Variants in ZNF577 observed in about 807,000 individuals in gnomAD.
ZNF577 encodes zinc finger protein 577.
In ZNF577, 14 loss-of-function variants were observed where a neutral mutation model predicts 13.9. The observed-to-expected ratio is 1.00, with a 90% CI of 0.66 to 1.57. ZNF577 has a LOEUF of 1.57. Ranked by LOEUF, ZNF577 falls within the 40% of genes most tolerant of loss-of-function variation. The pLI, the probability that ZNF577 is intolerant of heterozygous loss-of-function variation, is 0.00. For missense variants in ZNF577, 555 were observed against 579.2 expected (o/e 0.96, Z 0.43); for synonymous variants, 203 against 202.9 (o/e 1.00, Z 0.00).
intron 9 of ZNF577, among the ~76,000 whole-genome samples, chr19:51,812,435 C>T (rs949066052): frequency 6.6e-6 from 1 of 152,096 alleles, no homozygotes; most frequent in Admixed American, 6.5e-5. Context: ...TCTATCAGGG[C>T]CCCCATATCT....
chr19:51,837,877 T>C (rs1261543059), intron 9 of ZNF577, among the ~76,000 whole-genome samples: 1 of 152,192 alleles, frequency 6.6e-6, no homozygotes, highest in African/African-American at 2.4e-5. Context: ...TCCCAAAATA[T>C]ATAGAAAAAT....
intron 9 of ZNF577, among the ~76,000 whole-genome samples, chr19:51,822,341 C>T (rs1048786775): frequency 1.3e-5 from 2 of 152,110 alleles, no homozygotes; most frequent in African/African-American, 4.8e-5. Context: ...AAGATATGCC[C>T]GCAAAGATGG....
chr19:51,858,906 CAAT>C (rs1044849926), intron 5 of ZNF577, among the ~76,000 whole-genome samples: 1 of 152,154 alleles, frequency 6.6e-6, no homozygotes, highest in Admixed American at 6.6e-5. Context: ...AGCACATTCA[CAAT>C]ATTATGCAAC....
In ZNF577 at chr19:51,873,628, A is replaced by C. The variant is rs1349935754; in HGVS notation, c.362T>G (p.Ile121Ser). ...TCCAGTAAGAGTTTTGTCACGCTTGATATGGAGGCATGATCTCCCATATCC... is the reference window on the plus strand; with the variant it reads ...TCCAGTAAGAGTTTTGTCACGCTTGCTATGGAGGCATGATCTCCCATATCC... ...FGGYGRSCLH[I>S]KRDKTLTGVK... is the part of the protein sequence containing the mutation. Residue 121 changes from isoleucine to serine, a missense_variant, in exon 6 of 6, where the codon ATC becomes AGC. Transcript: ENST00000638348. 1.2e-6 allele frequency: 2 copies of C among 1,614,198 alleles called. No homozygotes were observed. The highest frequency in any genetic ancestry group is 3.3e-5 in the Admixed American group (2 of 60,020).
At chr19:51,847,090 T>C (rs1178659798) in intron 5 of ZNF577, among the ~76,000 whole-genome samples, 1 of 152,094 alleles carries the variant, frequency 6.6e-6, no homozygotes, top group Non-Finnish European at 1.5e-5. Flanking sequence ...AGAATTGACA[T>C]AAAAAGCTAG....
At chr19:51,880,899 C>A (rs1005428156) in intron 1 of ZNF577, 22 bp from the exon 2 acceptor site, 1 of 154,702 alleles carries the variant, frequency 6.5e-6, no homozygotes, top group African/African-American at 2.4e-5. Flanking sequence ...AGACCAAATT[C>A]AATGATAAGA....
At chr19:51,858,236 C>T (rs563898241) in intron 5 of ZNF577, among the ~76,000 whole-genome samples, 241 of 152,336 alleles carry the variant, frequency 1.6e-3, no homozygotes, top group Non-Finnish European at 2.8e-3. Context: ...AATCTCCGTG[C>T]TTGTTCACTC....
intron 9 of ZNF577, among the ~76,000 whole-genome samples, chr19:51,818,916 G>A (rs1278190914): frequency 6.6e-6 from 1 of 152,192 alleles, no homozygotes; most frequent in Non-Finnish European, 1.5e-5. Flanking sequence ...TCTGTGTCTG[G>A]ATTTTAGCAG....
Position 51,872,981 on chromosome 19 carries a change from T to C in ZNF577, c.1009A>G (p.Ser337Gly). ...ECSECEKAFRSKSKLIQHQRT... is the reference protein window; with the variant it reads ...ECSECEKAFRGKSKLIQHQRT... ...TGATGCTGAATGAGCTTCGACTTGCTTCTAAAGGCTTTTTCACACTCACTA... is the reference window on the plus strand; with the variant it reads ...TGATGCTGAATGAGCTTCGACTTGCCTCTAAAGGCTTTTTCACACTCACTA... Residue 337 changes from serine to glycine, a missense_variant, in exon 6 of 6, where the codon AGC becomes GGC. Physicochemically the swap from Ser to Gly is moderately conservative, Grantham distance 56 (BLOSUM62 0). Coordinates refer to ENST00000638348, the MANE Select transcript of ZNF577 (RefSeq NM_001370449.1). The C allele has an allele frequency of 6.2e-7, 1 of 1,614,196 alleles. No homozygotes were observed. Among genetic ancestry groups the C allele is most frequent in the Non-Finnish European group, 8.5e-7 (1 of 1,180,040 alleles).
intron 9 of ZNF577, among the ~76,000 whole-genome samples, chr19:51,827,428 T>C (rs978991014): frequency 6.6e-6 from 1 of 152,226 alleles, no homozygotes; most frequent in Non-Finnish European, 1.5e-5. Context: ...ATGTAAGCTA[T>C]CTGAGGGCAG....
chr19:51,815,934 C>A (rs1028838178), intron 9 of ZNF577, among the ~76,000 whole-genome samples: 4 of 151,706 alleles, frequency 2.6e-5, no homozygotes, highest in African/African-American at 9.7e-5. Flanking sequence ...AGGCATGGTT[C>A]CAGGTACCTA....
At chr19:51,861,113 CTTTTTTT>C (rs368241227) in intron 5 of ZNF577, 16 of 185,242 alleles carry the variant, frequency 8.6e-5, no homozygotes, top group East Asian at 2.6e-4. Context: ...TTGACTCTCT[CTTTTTTT>C]TTTTTTTTTT....
rs12610919 is a variant in ZNF577 at position 51,877,837 on chromosome 19, C to T, written c.188-460G>A. ...TATTCATAGCAACATGATTCACAAG[C>T]GCTAAAACATGGAAGCAACCCAGTG... is the stretch of plus-strand genomic sequence containing the variant. On this transcript the variant is annotated intron_variant, in intron 4 of 5. Transcript: ENST00000638348. The T allele has an allele frequency of 1.4e-3, 221 of 156,416 alleles. 3 individuals are homozygous for T. In the East Asian group the frequency reaches 0.036, roughly 25 times the overall value. The allele number at this position is 156,416 out of a possible 1,614,324, so 9.7% of individuals were successfully genotyped here.
At chr19:51,876,846 T>A (rs1345849968) in intron 5 of ZNF577, among the ~76,000 whole-genome samples, 1 of 149,566 alleles carries the variant, frequency 6.7e-6, no homozygotes, top group Non-Finnish European at 1.5e-5. Context: ...GAGAATCACT[T>A]AAACCTGGGA....
At chr19:51,806,396 T>A (rs896198507) in intron 10 of ZNF577, among the ~76,000 whole-genome samples, 6 of 152,250 alleles carry the variant, frequency 3.9e-5, no homozygotes, top group Non-Finnish European at 7.3e-5. Context: ...CACTTTCAGA[T>A]AAACTTTCCT....
At position 51,824,538 on chromosome 19, in the gene ZNF577, A is replaced by G; in HGVS notation, c.*600-12864T>C. 1 of 1,614,092 alleles carries G rather than the reference A, an allele frequency of 6.2e-7. No homozygotes were observed. The highest frequency in any genetic ancestry group is 1.1e-5 in the South Asian group (1 of 91,080). ...CCCTTATGAACTAATTGGCATTCTA[A>G]TGGCAGTCTGGCTCAAAGAGATGTT... is the stretch of plus-strand genomic sequence containing the variant. On this transcript the variant is annotated intron_variant and NMD_transcript_variant, in intron 9 of 10. Transcript: ENST00000638827. The surrounding 1 kb of genome is among the most constrained non-coding windows in gnomAD (Gnocchi z 4.7).
At chr19:51,805,497 A>G (rs1489936657) in intron 10 of ZNF577, among the ~76,000 whole-genome samples, 1 of 152,210 alleles carries the variant, frequency 6.6e-6, no homozygotes, top group Non-Finnish European at 1.5e-5. Context: ...GGCTTTCACA[A>G]GGTCCCACGG....
At chr19:51,807,263 A>C (rs1204510384) in intron 10 of ZNF577, among the ~76,000 whole-genome samples, 1 of 152,164 alleles carries the variant, frequency 6.6e-6, no homozygotes. Flanking sequence ...GCAGGCTTGC[A>C]AGACTGCATT....
intron 1 of ZNF577, among the ~76,000 whole-genome samples, chr19:51,881,549 C>A (rs1296007189): frequency 6.6e-6 from 1 of 152,188 alleles, no homozygotes; most frequent in Non-Finnish European, 1.5e-5. Context: ...GGTTAACATT[C>A]TTCCTCATTA....
Sources: allele counts gnomAD v4.1 joint callset (sites outside exome capture counted in the v4.1 genomes callset), GRCh38; gene constraint gnomAD v4.1.1; non-coding constraint Gnocchi (gnomAD v3.1); transcripts MANE v1.5; gene names NCBI Gene and HGNC (gene_info 2026-07-23, HGNC 2026-07-21).